Variants in DRC8 observed in about 807,000 individuals in gnomAD.
DRC8 encodes the protein dynein regulatory complex protein 8.
chr1:245,024,316 T>C, the DRC8 span, among the ~76,000 whole-genome samples: 1 of 152,180 alleles, frequency 6.6e-6, no homozygotes, highest in Non-Finnish European at 1.5e-5. Flanking sequence ...GCATATCATC[T>C]CACAAAAGTG....
the DRC8 span, among the ~76,000 whole-genome samples, chr1:245,012,287 G>A: frequency 1.3e-5 from 2 of 151,764 alleles, no homozygotes; most frequent in African/African-American, 4.8e-5. Flanking sequence ...ACAAAAGTCA[G>A]CATTATACTT....
chr1:244,980,715 G>A, the DRC8 span, among the ~76,000 whole-genome samples: 1 of 152,212 alleles, frequency 6.6e-6, no homozygotes, highest in African/African-American at 2.4e-5. Context: ...GAGTTTGGGT[G>A]CCTGTGAGGC....
At chr1:245,071,446 A>G in the DRC8 span, among the ~76,000 whole-genome samples, 1 of 152,242 alleles carries the variant, frequency 6.6e-6, no homozygotes, top group Non-Finnish European at 1.5e-5. Context: ...GGAATCCGGA[A>G]GAAAGGACGT....
the DRC8 span, chr1:244,970,107 C>A: frequency 1.5e-6 from 1 of 673,262 alleles, no homozygotes; most frequent in South Asian, 1.6e-5. Context: ...GGTTGGGGAC[C>A]GTGTGATGAA....
chr1:245,098,289 A>G, the DRC8 span, among the ~76,000 whole-genome samples: 7 of 152,062 alleles, frequency 4.6e-5, no homozygotes, highest in Non-Finnish European at 8.8e-5. Context: ...GGCTGTCTAT[A>G]TAAGTCTGGA....
chr1:245,030,546 G>C, the DRC8 span: 1 of 152,218 alleles, frequency 6.6e-6, no homozygotes, highest in South Asian at 2.1e-4. Flanking sequence ...ATTGCCATTA[G>C]GGTAACACAG....
At chr1:245,056,523 C>A in the DRC8 span, among the ~76,000 whole-genome samples, 1 of 152,248 alleles carries the variant, frequency 6.6e-6, no homozygotes, top group Admixed American at 6.5e-5. Context: ...CTCAGTCTGA[C>A]TCCAGATGGA....
chr1:245,085,734 A>G, the DRC8 span, among the ~76,000 whole-genome samples: 1 of 152,204 alleles, frequency 6.6e-6, no homozygotes, highest in African/African-American at 2.4e-5. Flanking sequence ...TCGGTTTGTT[A>G]GATGCATAAG....
At chr1:245,111,998 C>T in the DRC8 span, among the ~76,000 whole-genome samples, 1 of 152,236 alleles carries the variant, frequency 6.6e-6, no homozygotes, top group South Asian at 2.1e-4. Flanking sequence ...TGCGCCACTG[C>T]ACTCCAGCCT....
the DRC8 span, among the ~76,000 whole-genome samples, chr1:245,100,133 C>T: frequency 6.6e-6 from 1 of 152,096 alleles, no homozygotes; most frequent in African/African-American, 2.4e-5. Flanking sequence ...GCCTGTAATC[C>T]CAGCACTTTG....
the DRC8 span, among the ~76,000 whole-genome samples, chr1:244,974,446 C>A: frequency 1.3e-5 from 2 of 152,112 alleles, no homozygotes; most frequent in Non-Finnish European, 2.9e-5. Flanking sequence ...TGTTACTTTG[C>A]GTGCTTTGAT....
At chr1:245,053,756 G>A in the DRC8 span, among the ~76,000 whole-genome samples, 1 of 152,290 alleles carries the variant, frequency 6.6e-6, no homozygotes, top group East Asian at 1.9e-4. Context: ...GGGTCTACCC[G>A]GGCAGGTGAG....
At chr1:245,060,606 T>G in the DRC8 span, among the ~76,000 whole-genome samples, 1 of 152,234 alleles carries the variant, frequency 6.6e-6, no homozygotes, top group Non-Finnish European at 1.5e-5. Flanking sequence ...AGATACTGAT[T>G]ACTGCCTTAA....
At chr1:244,973,696 T>C in the DRC8 span, among the ~76,000 whole-genome samples, 1 of 152,202 alleles carries the variant, frequency 6.6e-6, no homozygotes, top group Non-Finnish European at 1.5e-5. Context: ...AAAACCTCAT[T>C]GTAGAAATAC....
the DRC8 span, among the ~76,000 whole-genome samples, chr1:245,010,870 A>G: frequency 6.6e-6 from 1 of 151,732 alleles, no homozygotes; most frequent in Non-Finnish European, 1.5e-5. Flanking sequence ...TTTAGTAGAG[A>G]TGAGGTTTCA....
the DRC8 span, among the ~76,000 whole-genome samples, chr1:245,049,887 G>A: frequency 6.6e-6 from 1 of 152,222 alleles, no homozygotes; most frequent in African/African-American, 2.4e-5. The surrounding 1 kb of genome is among the most constrained non-coding windows in gnomAD (Gnocchi z 4.5). Context: ...TTGGGAAAAT[G>A]TCTTAACCTT....
At chr1:245,048,482 T>G in the DRC8 span, among the ~76,000 whole-genome samples, 5 of 152,254 alleles carry the variant, frequency 3.3e-5, no homozygotes, top group African/African-American at 1.2e-4. Flanking sequence ...TTACTGTGGT[T>G]TTGATGGATG....
chr1:245,046,993 G>A, the DRC8 span, among the ~76,000 whole-genome samples: 1 of 152,184 alleles, frequency 6.6e-6, no homozygotes, highest in Non-Finnish European at 1.5e-5. Flanking sequence ...CATTGCTACC[G>A]CTGATGAGCT....
the DRC8 span, among the ~76,000 whole-genome samples, chr1:244,995,587 G>A: frequency 6.6e-6 from 1 of 152,014 alleles, no homozygotes; most frequent in Non-Finnish European, 1.5e-5. Context: ...TTAAGTGATT[G>A]TGATCCTACC....
Sources: gnomAD v4.1 joint callset for allele counts (sites outside exome capture counted in the v4.1 genomes callset) on GRCh38, gnomAD v4.1.1 for gene constraint, Gnocchi (gnomAD v3.1) non-coding constraint, MANE v1.5 for transcripts, NCBI Gene and HGNC (gene_info 2026-07-23, HGNC 2026-07-21) for gene names.